The following PPM1E variants were observed in gnomAD, a reference collection of about 807,000 sequenced individuals.
PPM1E encodes the protein protein phosphatase 1E.
PPM1E carries 20 observed loss-of-function variants against 65.9 expected under a neutral mutation model. The observed-to-expected ratio is 0.30, with a 90% confidence interval of 0.21 to 0.44. The LOEUF (loss-of-function observed/expected upper bound fraction) is 0.44, where lower values mean the gene tolerates loss of function less well. Among genes scored for constraint, PPM1E ranks in the 20% least tolerant of loss-of-function variants. The probability of loss-of-function intolerance (pLI) is 1.00; values close to 1 mark genes in which losing one functional copy is unlikely to be tolerated. For missense variants in PPM1E, 713 were observed against 953.1 expected (o/e 0.75, Z 3.32); for synonymous variants, 352 against 374.9 (o/e 0.94, Z 0.70).
Position 58,848,775 on chromosome 17 carries a change from A to G in PPM1E, c.464+92314A>G, listed in dbSNP as rs1265402219. On this transcript the variant is annotated intron_variant, in intron 1 of 6. Coordinates refer to ENST00000308249, the MANE Select transcript of PPM1E (RefSeq NM_014906.5). ...TCTGCCAGGCTTTGCTATCAGGACGATGTTGGCCTCATAAAATGAATTAGG... is the reference window on the plus strand; with the variant it reads ...TCTGCCAGGCTTTGCTATCAGGACGGTGTTGGCCTCATAAAATGAATTAGG... Among the ~76,000 whole-genome samples the G allele has an allele frequency of 5.6e-4, 85 of 152,202 alleles. 1 individual carries two copies. The highest frequency in any genetic ancestry group is 8.8e-5 in the Non-Finnish European group (6 of 68,042).
intron 1 of PPM1E, among the ~76,000 whole-genome samples, chr17:58,826,371 C>T (rs2143157456): frequency 1.3e-5 from 2 of 151,210 alleles, no homozygotes; most frequent in African/African-American, 2.4e-5. Flanking sequence ...AGAAATTTAG[C>T]TGGACAGATC....
chr17:58,820,579 C>A (rs2143134315), intron 1 of PPM1E, among the ~76,000 whole-genome samples: 1 of 152,156 alleles, frequency 6.6e-6, no homozygotes, highest in East Asian at 1.9e-4. Context: ...GCTTATTGGA[C>A]CTACAAATAG....
intron 1 of PPM1E, among the ~76,000 whole-genome samples, chr17:58,759,600 C>T (rs1369279632): frequency 5.9e-5 from 9 of 152,094 alleles, no homozygotes; most frequent in African/African-American, 9.7e-5. Context: ...GACTATTAAA[C>T]GAAGATAAAG....
chr17:58,909,262 G>A (rs904825386), intron 1 of PPM1E, among the ~76,000 whole-genome samples: 4 of 151,746 alleles, frequency 2.6e-5, no homozygotes, highest in Non-Finnish European at 4.4e-5. Flanking sequence ...TCACCACCCC[G>A]CCAACCCCAC....
chr17:58,793,011 G>A (rs2050171552), intron 1 of PPM1E, among the ~76,000 whole-genome samples: 1 of 151,966 alleles, frequency 6.6e-6, no homozygotes, highest in African/African-American at 2.4e-5. Context: ...GCCTCTCAAA[G>A]TGCTGGGATT....
intron 1 of PPM1E, among the ~76,000 whole-genome samples, chr17:58,804,038 C>A (rs575867940): frequency 6.6e-6 from 1 of 152,182 alleles, no homozygotes; most frequent in Non-Finnish European, 1.5e-5. Context: ...AAGCAGTCCT[C>A]CTGCCTCAGC....
intron 1 of PPM1E, among the ~76,000 whole-genome samples, chr17:58,823,004 A>G (rs1011282439): frequency 3.9e-5 from 6 of 152,210 alleles, no homozygotes; most frequent in Admixed American, 3.9e-4. Context: ...GCTGACTTAT[A>G]CGATGATTAT....
At chr17:58,959,701 T>C (rs1598679657) in intron 2 of PPM1E, among the ~76,000 whole-genome samples, 1 of 151,876 alleles carries the variant, frequency 6.6e-6, no homozygotes, top group Non-Finnish European at 1.5e-5. Flanking sequence ...AGTAAAATAT[T>C]TGTATATTGA....
chr17:58,950,688 T>G (rs992825189), intron 1 of PPM1E, among the ~76,000 whole-genome samples: 10 of 151,984 alleles, frequency 6.6e-5, no homozygotes, highest in African/African-American at 2.2e-4. Flanking sequence ...AATTTTTTCT[T>G]CTGTTTGGTC....
At chr17:58,870,240 TAG>T (rs2051054384) in intron 1 of PPM1E, among the ~76,000 whole-genome samples, 1 of 152,214 alleles carries the variant, frequency 6.6e-6, no homozygotes, top group African/African-American at 2.4e-5. Context: ...AAAATTATTT[TAG>T]ACAATTTTTT....
At chr17:58,931,364 C>T (rs1001378963) in intron 1 of PPM1E, among the ~76,000 whole-genome samples, 1 of 140,016 alleles carries the variant, frequency 7.1e-6, no homozygotes, top group South Asian at 2.2e-4. Flanking sequence ...CCAACCTGAG[C>T]GACAAGAGTG....
chr17:58,918,754 C>T (rs1183283598), intron 1 of PPM1E, among the ~76,000 whole-genome samples: 1 of 143,502 alleles, frequency 7.0e-6, no homozygotes, highest in Non-Finnish European at 1.5e-5. Context: ...TGCAGTGAGC[C>T]GAGATCACAC....
chr17:58,979,851 TTCCAG>T, intron 6 of PPM1E, 118 bp from the exon 7 acceptor site: 1 of 748,638 alleles, frequency 1.3e-6, no homozygotes, highest in South Asian at 2.1e-5. Context: ...TATAAATTCT[TTCCAG>T]TCAAGTCAGT....
intron 1 of PPM1E, among the ~76,000 whole-genome samples, chr17:58,787,226 G>C (rs1426253752): frequency 6.6e-6 from 1 of 152,178 alleles, no homozygotes; most frequent in Non-Finnish European, 1.5e-5. Context: ...ATACAGGGCT[G>C]TGTGACTCTC....
At chr17:58,930,250 TACACACACACAC>T (rs377147999) in intron 1 of PPM1E, among the ~76,000 whole-genome samples, 5 of 143,198 alleles carry the variant, frequency 3.5e-5, no homozygotes, top group African/African-American at 7.7e-5. Flanking sequence ...TAAATGTATA[TACACACACACAC>T]ACACACACAC....
chr17:58,882,809 G>A (rs890560701), intron 1 of PPM1E, among the ~76,000 whole-genome samples: 2 of 151,966 alleles, frequency 1.3e-5, no homozygotes, highest in Admixed American at 1.3e-4. Flanking sequence ...GAACTGATGG[G>A]CAGTTAAGGT....
At chr17:58,964,001 T>C (rs781686135) in intron 2 of PPM1E, among the ~76,000 whole-genome samples, 1 of 152,232 alleles carries the variant, frequency 6.6e-6, no homozygotes, top group African/African-American at 2.4e-5. Context: ...TTTTTTAATA[T>C]AGCCATTTAA....
At chr17:58,931,742 T>C (rs2051902524) in intron 1 of PPM1E, among the ~76,000 whole-genome samples, 1 of 152,218 alleles carries the variant, frequency 6.6e-6, no homozygotes, top group Non-Finnish European at 1.5e-5. Flanking sequence ...CAAGGTTTTA[T>C]ATCTAGCTTA....
At chr17:58,954,879 CAAAA>C (rs10715470) in intron 1 of PPM1E, among the ~76,000 whole-genome samples, 9 of 101,036 alleles carry the variant, frequency 8.9e-5, no homozygotes, top group Non-Finnish European at 1.2e-4. Context: ...GAGTCTCTCT[CAAAA>C]AAAAAAAAAA....
Sources: gnomAD v4.1 joint callset for allele counts (sites outside exome capture counted in the v4.1 genomes callset) on GRCh38, gnomAD v4.1.1 for gene constraint, MANE v1.5 for transcripts, NCBI Gene and HGNC (gene_info 2026-07-23, HGNC 2026-07-21) for gene names.